TRERF1: variants seen among roughly 807,000 people sequenced by gnomAD.
The protein encoded by TRERF1 is transcriptional-regulating factor 1.
A neutral mutation model predicts 122.9 loss-of-function variants in TRERF1; 27 were observed. That is an observed-to-expected ratio of 0.22 (90% CI 0.16 to 0.30). The LOEUF is 0.30. Ranked by LOEUF, TRERF1 falls within the 10% of genes least tolerant of loss-of-function variation. The probability of loss-of-function intolerance (pLI) is 1.00; values close to 1 mark genes in which losing one functional copy is unlikely to be tolerated. For synonymous variants in TRERF1, 636 were observed against 641.7 expected, an observed-to-expected ratio of 0.99 and a Z score of 0.13; for missense variants, 1,248 against 1,560.3, an observed-to-expected ratio of 0.80 and a Z score of 3.37.
intron 2 of TRERF1, among the ~76,000 whole-genome samples, chr6:42,368,309 T>C (rs1199986776): frequency 1.3e-5 from 2 of 152,090 alleles, no homozygotes; most frequent in Non-Finnish European, 2.9e-5. Context: ...CCCTCCTGAG[T>C]GGAGGGCCCA....
chr6:42,237,882 C>T (rs1032202489), intron 15 of TRERF1, among the ~76,000 whole-genome samples: 1 of 152,216 alleles, frequency 6.6e-6, no homozygotes, highest in Non-Finnish European at 1.5e-5. Flanking sequence ...TACATGTATA[C>T]TTGCGATGCA....
intron 2 of TRERF1, among the ~76,000 whole-genome samples, chr6:42,450,181 T>A (rs1788215850): frequency 6.6e-6 from 1 of 152,200 alleles, no homozygotes; most frequent in South Asian, 2.1e-4. Flanking sequence ...TCAGTGAGCA[T>A]CAACACCACA....
At chr6:42,403,604 AT>A (rs2151374271) in intron 2 of TRERF1, among the ~76,000 whole-genome samples, 1 of 152,246 alleles carries the variant, frequency 6.6e-6, no homozygotes, top group East Asian at 1.9e-4. Context: ...AAGAGCAGAC[AT>A]TTCTGTTGCT....
chr6:42,356,756 T>TA (rs1161825717), intron 3 of TRERF1, among the ~76,000 whole-genome samples: 2 of 151,944 alleles, frequency 1.3e-5, no homozygotes, highest in Non-Finnish European at 2.9e-5. Flanking sequence ...TCTGTATTTT[T>TA]AGAGACGTGG....
At chr6:42,310,887 G>C (rs149146012) in intron 3 of TRERF1, among the ~76,000 whole-genome samples, 104 of 152,310 alleles carry the variant, frequency 6.8e-4, no homozygotes, top group African/African-American at 2.4e-3. Context: ...CTAAAATGAA[G>C]TGCCTGCATT....
intron 3 of TRERF1, among the ~76,000 whole-genome samples, chr6:42,340,269 G>A (rs1766997743): frequency 6.6e-6 from 1 of 152,142 alleles, no homozygotes; most frequent in African/African-American, 2.4e-5. Context: ...CTCATAAGGA[G>A]TGTGGAGTGA....
chr6:42,366,060 A>G (rs1772669096), intron 2 of TRERF1, among the ~76,000 whole-genome samples: 1 of 152,102 alleles, frequency 6.6e-6, no homozygotes, highest in Non-Finnish European at 1.5e-5. Context: ...TCAAGGTCCT[A>G]ACACCCAGCA....
chr6:42,264,642 G>A (rs931190204), intron 7 of TRERF1, 62 bp downstream of exon 7: 27 of 1,582,868 alleles, frequency 1.7e-5, no homozygotes, highest in African/African-American at 5.4e-5. Context: ...TCTGTCTGAC[G>A]GCAGCAAAGC....
intron 2 of TRERF1, among the ~76,000 whole-genome samples, chr6:42,364,323 C>T (rs563700992): frequency 7.9e-5 from 12 of 152,196 alleles, no homozygotes; most frequent in Admixed American, 2.0e-4. Context: ...CCTCAAACCC[C>T]GGCCCCCTTC....
intron 15 of TRERF1, among the ~76,000 whole-genome samples, chr6:42,238,771 G>A (rs1416571052): frequency 2.0e-5 from 3 of 151,776 alleles, no homozygotes; most frequent in African/African-American, 7.3e-5. Flanking sequence ...ACAAATTTGT[G>A]TGTTAGTCAC....
chr6:42,382,223 A>C (rs563476060), intron 2 of TRERF1, among the ~76,000 whole-genome samples: 1 of 151,630 alleles, frequency 6.6e-6, no homozygotes, highest in Non-Finnish European at 1.5e-5. Flanking sequence ...GGGCATCCTG[A>C]CGGCACAGGA....
chr6:42,396,058 C>T (rs1482540816), intron 2 of TRERF1, among the ~76,000 whole-genome samples: 2 of 152,158 alleles, frequency 1.3e-5, no homozygotes, highest in Non-Finnish European at 2.9e-5. Context: ...CCAGGCCCTG[C>T]TCCCCTTCAC....
At chr6:42,312,317 G>A (rs1761808917) in intron 3 of TRERF1, among the ~76,000 whole-genome samples, 1 of 152,194 alleles carries the variant, frequency 6.6e-6, no homozygotes, top group Non-Finnish European at 1.5e-5. Flanking sequence ...CTCCAGGCTG[G>A]CTCTCCCAGA....
chr6:42,407,712 T>A (rs909430479), intron 2 of TRERF1, among the ~76,000 whole-genome samples: 1 of 151,628 alleles, frequency 6.6e-6, no homozygotes, highest in African/African-American at 2.4e-5. Context: ...ATTTCCCCCC[T>A]CCTTTCTTCT....
chr6:42,275,044 C>T lies in TRERF1; in HGVS notation c.-258-5196G>A, dbSNP rs150232387. Among the ~76,000 whole-genome samples, 44 of 152,354 alleles carry T rather than the reference C, an allele frequency of 2.9e-4. No individual in the cohort carries two copies. Among genetic ancestry groups the T allele is most frequent in the African/African-American group, 1.0e-3 (42 of 41,574 alleles). On this transcript the variant is annotated intron_variant, in intron 4 of 17. Transcript: ENST00000372922. This position sits in a 1 kb window ranked among gnomAD's most constrained non-coding sequence, Gnocchi z 4.1. ...CTCCTAGAGACACTTTATGCTCATA[C>T]AAGAACACTAATGCACAGCCCGTCT...
chr6:42,250,446 T>C (rs975358304), intron 13 of TRERF1, among the ~76,000 whole-genome samples: 1 of 152,228 alleles, frequency 6.6e-6, no homozygotes, highest in Non-Finnish European at 1.5e-5. Context: ...TCCTGGAGTC[T>C]GATAGGGACA....
chr6:42,360,865 C>T (rs1477082685), intron 3 of TRERF1, among the ~76,000 whole-genome samples: 1 of 151,618 alleles, frequency 6.6e-6, no homozygotes, highest in Non-Finnish European at 1.5e-5. Flanking sequence ...CCACCCTATC[C>T]CTGCACATGG....
chr6:42,373,828 AAAG>A (rs1324325512), intron 2 of TRERF1, among the ~76,000 whole-genome samples: 63 of 148,344 alleles, frequency 4.2e-4, no homozygotes, highest in African/African-American at 1.0e-3. Context: ...CAAAAAAAAA[AAAG>A]AAGAAGAAAG....
At chr6:42,316,223 C>T (rs1762479026) in intron 3 of TRERF1, among the ~76,000 whole-genome samples, 1 of 152,156 alleles carries the variant, frequency 6.6e-6, no homozygotes, top group Admixed American at 6.5e-5. Context: ...TGCACCTCCT[C>T]CTCCCCGCAT....
Sources: gnomAD v4.1 joint callset for allele counts (sites outside exome capture counted in the v4.1 genomes callset) on GRCh38, gnomAD v4.1.1 for gene constraint, Gnocchi (gnomAD v3.1) non-coding constraint, MANE v1.5 for transcripts, NCBI Gene and HGNC (gene_info 2026-07-23, HGNC 2026-07-21) for gene names.